Variants in RALGAPA2 observed in about 807,000 individuals in gnomAD.
RALGAPA2 encodes Ral GTPase activating protein catalytic subunit alpha 2.
A neutral mutation model predicts 230.4 loss-of-function variants in RALGAPA2; 139 were observed. The ratio of observed to expected loss-of-function variants is 0.60; its 90% CI spans 0.53 to 0.69. RALGAPA2 has a LOEUF of 0.69. RALGAPA2 is among the 30% of genes least tolerant of loss of function. The pLI is 0.00. For missense variants in RALGAPA2, 2,163 were observed against 2,276.0 expected (o/e 0.95, Z 1.01); for synonymous variants, 847 against 837.8 (o/e 1.01, Z -0.19).
chr20:20,632,096 C>T (rs1488561046), intron 9 of RALGAPA2, among the ~76,000 whole-genome samples: 1 of 151,876 alleles, frequency 6.6e-6, no homozygotes, highest in Non-Finnish European at 1.5e-5. Context: ...TCGATCTCCG[C>T]TCACTGCAAG....
At chr20:20,541,407 A>G (rs1176171996) in intron 24 of RALGAPA2, among the ~76,000 whole-genome samples, 2 of 152,262 alleles carry the variant, frequency 1.3e-5, no homozygotes, top group Non-Finnish European at 2.9e-5. Context: ...ATAATGAAAT[A>G]GAACAATTAT....
At chr20:20,452,758 G>T (rs541824131) in intron 37 of RALGAPA2, among the ~76,000 whole-genome samples, 1 of 152,322 alleles carries the variant, frequency 6.6e-6, no homozygotes, top group East Asian at 1.9e-4. Context: ...GCATGATACT[G>T]GTATTTGTGG....
At position 20,563,979 on chromosome 20, in the gene RALGAPA2, TATA is replaced by T. The variant is rs374013848; in HGVS notation, c.3156+7476_3156+7478del. Among the ~76,000 whole-genome samples the T allele has an allele frequency of 2.4e-4, 37 of 152,300 alleles. No individual in the cohort carries two copies. In the East Asian group the frequency reaches 4.8e-3, roughly 20 times the overall value. ...CCTCATTACCTTGCCCCTGGGCTATTATAATAATTTCCTTTCTGTGTTTGTTGT... is the reference window on the plus strand; with the variant it reads ...CCTCATTACCTTGCCCCTGGGCTATTATAATTTCCTTTCTGTGTTTGTTGT... On this transcript the variant is annotated intron_variant, in intron 23 of 39. Transcript: ENST00000202677.
At chr20:20,644,565 C>A (rs1290293300) in intron 4 of RALGAPA2, among the ~76,000 whole-genome samples, 1 of 152,216 alleles carries the variant, frequency 6.6e-6, no homozygotes, top group Non-Finnish European at 1.5e-5. Flanking sequence ...TTCTACTGTT[C>A]ATAACAACTA....
intron 37 of RALGAPA2, among the ~76,000 whole-genome samples, chr20:20,442,578 T>G (rs188375506): frequency 1.2e-3 from 185 of 152,388 alleles, no homozygotes; most frequent in African/African-American, 4.3e-3. Context: ...TGTTTTAGTT[T>G]TGCTCCCTGA....
intron 2 of RALGAPA2, among the ~76,000 whole-genome samples, chr20:20,677,994 G>C (rs2068394548): frequency 6.6e-6 from 1 of 151,990 alleles, no homozygotes; most frequent in Non-Finnish European, 1.5e-5. Context: ...AGAAACTATG[G>C]GATGGGAGAG....
intron 31 of RALGAPA2, among the ~76,000 whole-genome samples, chr20:20,518,902 T>C (rs563269070): frequency 6.6e-6 from 1 of 152,252 alleles, no homozygotes; most frequent in African/African-American, 2.4e-5. Flanking sequence ...AACAACGAAA[T>C]AGATTAAGAG....
chr20:20,640,936 C>T, intron 5 of RALGAPA2, 58 bp from the exon 6 acceptor site: 2 of 1,426,010 alleles, frequency 1.4e-6, no homozygotes, highest in Non-Finnish European at 1.9e-6. Flanking sequence ...AAATGCATTA[C>T]AATGTAGCAT....
At chr20:20,541,676 C>A (rs1046165980) in intron 24 of RALGAPA2, among the ~76,000 whole-genome samples, 1 of 152,160 alleles carries the variant, frequency 6.6e-6, no homozygotes, top group African/African-American at 2.4e-5. Flanking sequence ...TAGAATCTTC[C>A]ATTTAATATT....
intron 35 of RALGAPA2, among the ~76,000 whole-genome samples, chr20:20,501,831 T>G (rs1412105044): frequency 6.6e-6 from 1 of 152,156 alleles, no homozygotes; most frequent in Non-Finnish European, 1.5e-5. Context: ...ATCAAGGGGT[T>G]ATTAATTGGC....
At chr20:20,635,945 A>G (rs1369751727) in intron 8 of RALGAPA2, among the ~76,000 whole-genome samples, 1 of 152,220 alleles carries the variant, frequency 6.6e-6, no homozygotes, top group African/African-American at 2.4e-5. Flanking sequence ...CATACATTAT[A>G]CCTAATTTAA....
chr20:20,478,400 G>A (rs1388565603), intron 36 of RALGAPA2, among the ~76,000 whole-genome samples: 1 of 148,966 alleles, frequency 6.7e-6, no homozygotes, highest in Non-Finnish European at 1.5e-5. Context: ...TAGAAGGAAA[G>A]AACTAATAAA....
intron 4 of RALGAPA2, among the ~76,000 whole-genome samples, chr20:20,647,569 C>T (rs191045109): frequency 6.6e-6 from 1 of 152,302 alleles, no homozygotes; most frequent in South Asian, 2.1e-4. Context: ...ATGTGTTACA[C>T]ATGACATCAA....
chr20:20,476,913 T>A (rs375653707), intron 36 of RALGAPA2, among the ~76,000 whole-genome samples: 220 of 152,146 alleles, frequency 1.4e-3, no homozygotes, highest in African/African-American at 5.1e-3. Flanking sequence ...CACAACTACA[T>A]GTAACATCAT....
At chr20:20,686,957 G>T (rs897534438) in intron 1 of RALGAPA2, among the ~76,000 whole-genome samples, 2 of 152,098 alleles carry the variant, frequency 1.3e-5, no homozygotes. Flanking sequence ...CTCTAATAGG[G>T]AATGACCCCC....
chr20:20,537,825 T>G (rs532837726), intron 24 of RALGAPA2, among the ~76,000 whole-genome samples: 4 of 152,314 alleles, frequency 2.6e-5, no homozygotes, highest in African/African-American at 9.6e-5. Context: ...CTCTTCTAAG[T>G]GCTGTACAAG....
chr20:20,503,333 C>A lies in RALGAPA2; in HGVS notation c.5208+18G>T, dbSNP rs961419890. 1 of 1,528,212 alleles carries A rather than the reference C, an allele frequency of 6.5e-7. No individual in the cohort carries two copies. Among genetic ancestry groups the A allele is most frequent in the African/African-American group, 1.4e-5 (1 of 72,260 alleles). The allele number at this position is 1,528,212 out of a possible 1,614,324, so 94.7% of individuals were successfully genotyped here. A position where few individuals can be genotyped will look rare whatever the true frequency, so the allele number is the denominator to read the frequency against. On this transcript the variant is annotated intron_variant, in intron 35 of 39. Coordinates refer to ENST00000202677, the MANE Select transcript of RALGAPA2 (RefSeq NM_020343.4). ...CAAACCAGGGCAGCTAAGAATGGTGCCCGAGGAGACCCCTTACCTTTTTGG... is the reference window on the plus strand; with the variant it reads ...CAAACCAGGGCAGCTAAGAATGGTGACCGAGGAGACCCCTTACCTTTTTGG...
chr20:20,399,830 A>G lies in RALGAPA2; in HGVS notation c.5618-3096T>C, dbSNP rs557906054. On this transcript the variant is annotated intron_variant, in intron 38 of 39. Coordinates refer to ENST00000202677, the MANE Select transcript of RALGAPA2 (RefSeq NM_020343.4). ...AACCAAGCTTCTTGCCTCTGAAGAA[A>G]GGCTGCCATCCAGAACCGCCACCTG... Among the ~76,000 whole-genome samples the G allele has an allele frequency of 1.1e-4, 16 of 152,368 alleles. 1 individual carries two copies. The South Asian group carries it at 3.3e-3, about 32-fold the overall frequency.
intron 38 of RALGAPA2, among the ~76,000 whole-genome samples, chr20:20,400,212 A>G (rs1185798080): frequency 6.6e-6 from 1 of 152,238 alleles, no homozygotes; most frequent in African/African-American, 2.4e-5. Flanking sequence ...CAGCCTAATT[A>G]ACATCTCCAA....
Sources: gnomAD v4.1 joint callset for allele counts (sites outside exome capture counted in the v4.1 genomes callset) on GRCh38, gnomAD v4.1.1 for gene constraint, MANE v1.5 for transcripts, NCBI Gene and HGNC (gene_info 2026-07-23, HGNC 2026-07-21) for gene names.